RGS7BP: variants seen among roughly 807,000 people sequenced by gnomAD.
RGS7BP encodes the protein regulator of G protein signaling 7-binding protein.
Under a neutral mutation model 31.3 loss-of-function variants are expected in RGS7BP, and 9 were observed. That is an observed-to-expected ratio of 0.29 (90% CI 0.17 to 0.50). RGS7BP has a LOEUF of 0.50. RGS7BP is among the 20% of genes least tolerant of loss of function. The pLI, the probability that RGS7BP is intolerant of heterozygous loss-of-function variation, is 0.98. For synonymous variants in RGS7BP, 115 were observed against 120.1 expected, an observed-to-expected ratio of 0.96 and a Z score of 0.28; for missense variants, 274 against 322.0, an observed-to-expected ratio of 0.85 and a Z score of 1.14.
Position 64,506,804 on chromosome 5 carries a change from C to T in RGS7BP, c.165+15C>T, listed in dbSNP as rs1158032095. On this transcript the variant is annotated intron_variant, in intron 1 of 5. Transcript: ENST00000334025. The surrounding 1 kb of genome is among the most constrained non-coding windows in gnomAD (Gnocchi z 4.6). ...ACTGCAAGATGGTGGGTGAAAACTGCGCCTCTTTTTTTTTTTTTTTAATTG... is the reference window on the plus strand; with the variant it reads ...ACTGCAAGATGGTGGGTGAAAACTGTGCCTCTTTTTTTTTTTTTTTAATTG... 6 of 1,431,092 alleles carry T rather than the reference C, an allele frequency of 4.2e-6. No homozygotes were observed. The highest frequency in any genetic ancestry group is 2.7e-5 in the South Asian group (2 of 74,250). 88.6% of individuals were successfully genotyped at this position (1,431,092 alleles called of 1,614,324 possible).
chr5:64,580,895 C>G (rs1742579000), intron 3 of RGS7BP, among the ~76,000 whole-genome samples: 1 of 152,126 alleles, frequency 6.6e-6, no homozygotes, highest in African/African-American at 2.4e-5. Flanking sequence ...GAATCTCTAT[C>G]TGGTTTGTTT....
intron 2 of RGS7BP, among the ~76,000 whole-genome samples, chr5:64,536,838 G>GA (rs1741388721): frequency 6.6e-6 from 1 of 151,608 alleles, no homozygotes; most frequent in Non-Finnish European, 1.5e-5. Context: ...AAATAGGAGG[G>GA]AAAAAAGAGC....
intron 2 of RGS7BP, among the ~76,000 whole-genome samples, chr5:64,528,554 G>A (rs1346506069): frequency 6.6e-6 from 1 of 152,160 alleles, no homozygotes; most frequent in Non-Finnish European, 1.5e-5. Context: ...GCTCAGGCCT[G>A]TAATCCCAGC....
chr5:64,547,580 G>A (rs569460921), intron 2 of RGS7BP, among the ~76,000 whole-genome samples: 1 of 152,140 alleles, frequency 6.6e-6, no homozygotes, highest in African/African-American at 2.4e-5. Context: ...ACATAATTCA[G>A]GATATTTTAT....
intron 2 of RGS7BP, among the ~76,000 whole-genome samples, chr5:64,532,307 T>C (rs975107916): frequency 6.6e-6 from 1 of 151,792 alleles, no homozygotes; most frequent in African/African-American, 2.4e-5. Context: ...CCTTTTTTTT[T>C]TTTTCCTGGA....
intron 5 of RGS7BP, among the ~76,000 whole-genome samples, chr5:64,606,741 A>C (rs1420835256): frequency 6.6e-6 from 1 of 152,106 alleles, no homozygotes; most frequent in African/African-American, 2.4e-5. Flanking sequence ...TTTATCTCTG[A>C]GATGTTCTCC....
At chr5:64,585,382 C>T (rs974354140) in intron 3 of RGS7BP, among the ~76,000 whole-genome samples, 44 of 151,992 alleles carry the variant, frequency 2.9e-4, no homozygotes, top group Non-Finnish European at 6.2e-4. Flanking sequence ...TTATCTATGG[C>T]AGTGCCTTCC....
intron 2 of RGS7BP, among the ~76,000 whole-genome samples, chr5:64,545,576 C>T (rs1383126083): frequency 6.6e-6 from 1 of 152,144 alleles, no homozygotes; most frequent in Non-Finnish European, 1.5e-5. Flanking sequence ...AGGATGCCTG[C>T]ATAATTTATG....
At chr5:64,527,468 C>G (rs763267410) in intron 2 of RGS7BP, among the ~76,000 whole-genome samples, 15 of 152,054 alleles carry the variant, frequency 9.9e-5, no homozygotes, top group Non-Finnish European at 2.1e-4. Flanking sequence ...GAAGACCCCA[C>G]TTAGAGTTTC....
chr5:64,517,425 C>T (rs1749005587), intron 2 of RGS7BP, among the ~76,000 whole-genome samples: 1 of 152,186 alleles, frequency 6.6e-6, no homozygotes, highest in South Asian at 2.1e-4. Context: ...CAGTACCCAA[C>T]CTATATTCCT....
chr5:64,562,608 C>A (rs1048177223), intron 2 of RGS7BP, among the ~76,000 whole-genome samples: 1 of 152,136 alleles, frequency 6.6e-6, no homozygotes, highest in African/African-American at 2.4e-5. Flanking sequence ...TGAACTCCCA[C>A]AGTCAAGTGG....
intron 3 of RGS7BP, among the ~76,000 whole-genome samples, chr5:64,590,158 C>T (rs1021602966): frequency 6.6e-6 from 1 of 151,810 alleles, no homozygotes; most frequent in African/African-American, 2.4e-5. Context: ...CAGTGTCATA[C>T]CAGTTATTAG....
At chr5:64,555,865 AC>A in intron 2 of RGS7BP, among the ~76,000 whole-genome samples, 1 of 152,306 alleles carries the variant, frequency 6.6e-6, no homozygotes, top group African/African-American at 2.4e-5. Flanking sequence ...GTTTAAATTT[AC>A]ATAATTTAAA....
At chr5:64,565,750 T>A (rs1742153806) in intron 2 of RGS7BP, among the ~76,000 whole-genome samples, 1 of 152,036 alleles carries the variant, frequency 6.6e-6, no homozygotes, top group Non-Finnish European at 1.5e-5. Flanking sequence ...ACTCAAAGAG[T>A]TTACAGTCCA....
Position 64,594,756 on chromosome 5 carries a change from G to A in RGS7BP, c.510G>A (p.Glu170=). The A allele has an allele frequency of 1.2e-6, 2 of 1,613,796 alleles. No homozygotes were observed. Among genetic ancestry groups the A allele is most frequent in the Non-Finnish European group, 1.7e-6 (2 of 1,179,812 alleles). Residue 170 remains glutamate, a synonymous_variant, in exon 4 of 6, where the codon GAG becomes GAA. Coordinates refer to ENST00000334025, the MANE Select transcript of RGS7BP (RefSeq NM_001029875.3). ...GGTKSLDCKI[E]ESAETPALED... ...CCAAGAGTTTGGATTGCAAAATTGA[G>A]GAGAGTGCTGAAACACCTGCCCTAG...
At chr5:64,585,138 T>G (rs150074531) in intron 3 of RGS7BP, among the ~76,000 whole-genome samples, 1 of 152,104 alleles carries the variant, frequency 6.6e-6, no homozygotes, top group African/African-American at 2.4e-5. Context: ...TCAGTCAGTA[T>G]GAAAACTGCC....
intron 2 of RGS7BP, among the ~76,000 whole-genome samples, chr5:64,561,949 A>G (rs1742066059): frequency 6.6e-6 from 1 of 152,172 alleles, no homozygotes; most frequent in African/African-American, 2.4e-5. Context: ...ATTCATCATT[A>G]AGAAAGAAAG....
In RGS7BP at chr5:64,611,455, A is replaced by T. The variant is rs936316227; in HGVS notation, c.*2203A>T. On this transcript the variant is annotated 3_prime_UTR_variant, in exon 6 of 6. Coordinates refer to ENST00000334025, the MANE Select transcript of RGS7BP (RefSeq NM_001029875.3). ...CATTCTCACCTTAGCCTCAGTGTGA[A>T]AGTAACACTTACCTTCTGTGCAATT... The T allele has an allele frequency of 6.6e-6, 1 of 152,208 alleles. No homozygotes were observed. The allele number at this position is 152,208 out of a possible 1,614,324, so 9.4% of individuals were successfully genotyped here. A position where few individuals can be genotyped will look rare whatever the true frequency, so the allele number is the denominator to read the frequency against.
chr5:64,583,635 G>C (rs1686876970), intron 3 of RGS7BP, among the ~76,000 whole-genome samples: 1 of 152,182 alleles, frequency 6.6e-6, no homozygotes, highest in African/African-American at 2.4e-5. Context: ...TGGCTACTTT[G>C]GAAGGGCTGG....
Sources: gnomAD v4.1 joint callset for allele counts (sites outside exome capture counted in the v4.1 genomes callset) on GRCh38, gnomAD v4.1.1 for gene constraint, Gnocchi (gnomAD v3.1) non-coding constraint, MANE v1.5 for transcripts, NCBI Gene and HGNC (gene_info 2026-07-23, HGNC 2026-07-21) for gene names.